Variants in EDIL3 observed in about 807,000 individuals in gnomAD.
EDIL3 encodes the protein EGF-like repeat and discoidin I-like domain-containing protein 3.
A neutral mutation model predicts 67.4 loss-of-function variants in EDIL3; 37 were observed. The observed-to-expected ratio is 0.55, with a 90% CI of 0.42 to 0.72. The LOEUF is 0.72. Among genes scored for constraint, EDIL3 ranks in the 30% least tolerant of loss-of-function variants. The pLI is 0.00. For missense variants in EDIL3, 527 were observed against 586.3 expected, an observed-to-expected ratio of 0.90 and a Z score of 1.04; for synonymous variants, 195 against 196.3, an observed-to-expected ratio of 0.99 and a Z score of 0.05.
At chr5:84,315,612 T>C (rs1254116125) in intron 1 of EDIL3, among the ~76,000 whole-genome samples, 1 of 152,188 alleles carries the variant, frequency 6.6e-6, no homozygotes, top group East Asian at 1.9e-4. Context: ...TGCAAGACTA[T>C]ACTTTCAGGG....
chr5:84,187,052 T>C (rs935707485), intron 3 of EDIL3, among the ~76,000 whole-genome samples: 2 of 152,044 alleles, frequency 1.3e-5, no homozygotes, highest in African/African-American at 4.8e-5. Flanking sequence ...ATAAATGGAC[T>C]TTCAAGATAC....
intron 10 of EDIL3, among the ~76,000 whole-genome samples, chr5:83,951,967 G>T (rs1334162072): frequency 6.6e-6 from 1 of 151,716 alleles, no homozygotes; most frequent in African/African-American, 2.4e-5. Flanking sequence ...GTGACAAGTT[G>T]AGCTAGGAAT....
At chr5:84,091,060 C>T (rs887945685) in intron 6 of EDIL3, among the ~76,000 whole-genome samples, 2 of 152,134 alleles carry the variant, frequency 1.3e-5, no homozygotes, top group Non-Finnish European at 2.9e-5. Context: ...ACAGTGTCCA[C>T]TGCTCCCCCT....
rs1388873821 is a variant in EDIL3, at chr5:83,940,993, A to G, written c.*2426T>C. On this transcript the variant is annotated 3_prime_UTR_variant, in exon 11 of 11. Coordinates refer to ENST00000296591, the MANE Select transcript of EDIL3 (RefSeq NM_005711.5). ...ATTAATTGTAAAATTAGCATGTTAT[A>G]TTTACTCAATATAGTGAAGACTAGG... The G allele has an allele frequency of 6.6e-6, 1 of 152,012 alleles. No homozygotes were observed. The highest frequency in any genetic ancestry group is 1.5e-5 in the Non-Finnish European group (1 of 67,916). 9.4% of individuals were successfully genotyped at this position (152,012 alleles called of 1,614,324 possible).
At chr5:84,135,335 C>T (rs926852661) in intron 5 of EDIL3, among the ~76,000 whole-genome samples, 1 of 152,184 alleles carries the variant, frequency 6.6e-6, no homozygotes, top group African/African-American at 2.4e-5. Context: ...TCTTACCCTG[C>T]CTAGACATGC....
intron 3 of EDIL3, among the ~76,000 whole-genome samples, chr5:84,205,838 T>A (rs1743965708): frequency 6.6e-6 from 1 of 151,580 alleles, no homozygotes; most frequent in South Asian, 2.1e-4. Context: ...GGTCTATCAA[T>A]TTTGTTGATC....
intron 1 of EDIL3, among the ~76,000 whole-genome samples, chr5:84,306,514 A>G (rs936360059): frequency 5.9e-5 from 9 of 152,202 alleles, no homozygotes; most frequent in Non-Finnish European, 4.4e-5. Context: ...AAGTGGATGA[A>G]TTCTATTCTA....
At chr5:84,026,977 C>T (rs896741801) in intron 9 of EDIL3, among the ~76,000 whole-genome samples, 1 of 152,102 alleles carries the variant, frequency 6.6e-6, no homozygotes, top group Non-Finnish European at 1.5e-5. Context: ...CGCCTGTACT[C>T]TGAGCTGCTT....
chr5:84,319,593 C>T (rs1045744877), intron 1 of EDIL3, among the ~76,000 whole-genome samples: 15 of 141,072 alleles, frequency 1.1e-4, no homozygotes, highest in African/African-American at 2.4e-4. Context: ...GACAGTGTGG[C>T]GATTCCTAAA....
intron 1 of EDIL3, among the ~76,000 whole-genome samples, chr5:84,262,780 C>A (rs936223296): frequency 6.8e-6 from 1 of 146,388 alleles, no homozygotes; most frequent in Admixed American, 7.1e-5. Context: ...AGGCAATTCT[C>A]ATGCCTCAGC....
At chr5:84,186,364 CA>C (rs1441291241) in intron 3 of EDIL3, among the ~76,000 whole-genome samples, 1 of 151,986 alleles carries the variant, frequency 6.6e-6, no homozygotes, top group East Asian at 1.9e-4. Context: ...AACATTTATT[CA>C]TTAAGTACTC....
At chr5:84,374,212 A>C (rs1747917883) in intron 1 of EDIL3, among the ~76,000 whole-genome samples, 1 of 142,068 alleles carries the variant, frequency 7.0e-6, no homozygotes, top group Non-Finnish European at 1.5e-5. Flanking sequence ...AAGAACTGGA[A>C]AAAAAAAAAA....
At chr5:84,298,969 C>A (rs557421733) in intron 1 of EDIL3, among the ~76,000 whole-genome samples, 10 of 152,122 alleles carry the variant, frequency 6.6e-5, no homozygotes, top group African/African-American at 2.2e-4. Context: ...GCCTCATTTG[C>A]GAGCTGCTTA....
intron 1 of EDIL3, among the ~76,000 whole-genome samples, chr5:84,319,637 A>C (rs1448177833): frequency 6.6e-6 from 1 of 152,100 alleles, no homozygotes; most frequent in Non-Finnish European, 1.5e-5. Flanking sequence ...TTGATCCAGC[A>C]ATCCCATTAT....
intron 4 of EDIL3, among the ~76,000 whole-genome samples, chr5:84,177,325 A>G (rs962618458): frequency 1.3e-5 from 2 of 152,222 alleles, no homozygotes; most frequent in African/African-American, 4.8e-5. Context: ...TAAGTGAAAA[A>G]AAATCAGTCT....
chr5:84,372,509 C>T (rs969690611), intron 1 of EDIL3, among the ~76,000 whole-genome samples: 1 of 152,122 alleles, frequency 6.6e-6, no homozygotes, highest in Non-Finnish European at 1.5e-5. Context: ...CTAAACTATG[C>T]AGACTTCAAA....
intron 5 of EDIL3, among the ~76,000 whole-genome samples, chr5:84,124,455 C>G (rs1747828681): frequency 6.7e-6 from 1 of 150,280 alleles, no homozygotes; most frequent in Non-Finnish European, 1.5e-5. Flanking sequence ...TTTTAATGGA[C>G]CTTTTGTTCA....
intron 6 of EDIL3, among the ~76,000 whole-genome samples, chr5:84,081,522 T>G (rs1746967250): frequency 6.6e-6 from 1 of 152,236 alleles, no homozygotes; most frequent in East Asian, 1.9e-4. Flanking sequence ...TGAATATTTT[T>G]GAAAGAAGCC....
chr5:83,970,047 C>T (rs915930891), intron 9 of EDIL3, among the ~76,000 whole-genome samples: 6 of 151,636 alleles, frequency 4.0e-5, no homozygotes, highest in African/African-American at 1.4e-4. Context: ...ACTTCCCATG[C>T]CCTCTAACTT....
Sources: allele counts gnomAD v4.1 joint callset (sites outside exome capture counted in the v4.1 genomes callset), GRCh38; gene constraint gnomAD v4.1.1; transcripts MANE v1.5; gene names NCBI Gene and HGNC (gene_info 2026-07-23, HGNC 2026-07-21).